The following LAMA3 variants were observed in gnomAD, a reference collection of about 807,000 sequenced individuals.
LAMA3 encodes the protein laminin subunit alpha 3.
In LAMA3, 281 loss-of-function variants were observed where a neutral mutation model predicts 402.0. The observed-to-expected ratio is 0.70, with a 90% confidence interval of 0.63 to 0.77. The LOEUF is 0.77. Among genes scored for constraint, LAMA3 ranks in the 30% least tolerant of loss-of-function variants. The pLI, the probability that LAMA3 is intolerant of heterozygous loss-of-function variation, is 0.00. For missense variants in LAMA3, 3,840 were observed against 4,215.5 expected (o/e 0.91, Z 2.47); for synonymous variants, 1,431 against 1,558.4 (o/e 0.92, Z 1.93).
rs1233146774 is a variant in LAMA3 at position 23,905,615 on chromosome 18, C to A, written c.6709C>A (p.Leu2237Ile). The change falls in exon 52 of 75, where the codon CTA becomes ATA. Residue 2237 changes from leucine (L) to isoleucine (I), a missense_variant. Leu to Ile is a conservative substitution (Grantham distance 5). This residue lies in a region of LAMA3 where 891 missense variants were observed against 857.5 expected (regional missense o/e 1.04). Transcript: ENST00000313654. Reference sequence around the variant, plus strand: ...TGAAGCCAAGATGACACAAAAGAAGCTAAAGCAAGGTATTAGGGGGAGTGG... The same window carrying A: ...TGAAGCCAAGATGACACAAAAGAAGATAAAGCAAGGTATTAGGGGGAGTGG... Reference protein sequence around the residue: ...LNEAKMTQKKLKQEVSPALNN... With the variant: ...LNEAKMTQKKIKQEVSPALNN... 1 of 1,599,438 alleles carries A rather than the reference C, an allele frequency of 6.3e-7. No homozygotes were observed. The highest frequency in any genetic ancestry group is 2.2e-5 in the East Asian group (1 of 44,738).
intron 42 of LAMA3, among the ~76,000 whole-genome samples, chr18:23,891,369 G>T (rs1423086201): frequency 6.6e-6 from 1 of 152,176 alleles, no homozygotes; most frequent in Admixed American, 6.5e-5. Flanking sequence ...AAAACTCATG[G>T]AGGAAACCAG....
At chr18:23,783,630 G>A (rs1472095508) in intron 11 of LAMA3, among the ~76,000 whole-genome samples, 2 of 152,186 alleles carry the variant, frequency 1.3e-5, no homozygotes, top group Non-Finnish European at 2.9e-5. Context: ...TAGTAGGGCT[G>A]AATTGATGTT....
chr18:23,752,047 G>A (rs1189258489), intron 5 of LAMA3, among the ~76,000 whole-genome samples: 7 of 152,184 alleles, frequency 4.6e-5, no homozygotes, highest in Admixed American at 3.9e-4. Context: ...TCAGAGAGCT[G>A]GGAAAGGAAG....
chr18:23,831,943 G>T (rs1212659435), intron 23 of LAMA3, among the ~76,000 whole-genome samples: 1 of 152,144 alleles, frequency 6.6e-6, no homozygotes, highest in Non-Finnish European at 1.5e-5. Flanking sequence ...CCTTTTTAAA[G>T]ATAAATAACA....
At chr18:23,911,129 A>AGATCCAGAGTAGT (rs2081411199) in intron 55 of LAMA3, among the ~76,000 whole-genome samples, 1 of 137,174 alleles carries the variant, frequency 7.3e-6, no homozygotes, top group African/African-American at 3.0e-5. Flanking sequence ...GGAATTTGCC[A>AGATCCAGAGTAGT]GGTGACAAAA....
chr18:23,829,789 A>C (rs866879751), intron 23 of LAMA3, among the ~76,000 whole-genome samples: 1 of 152,102 alleles, frequency 6.6e-6, no homozygotes, highest in Non-Finnish European at 1.5e-5. Flanking sequence ...TCCACTTTTC[A>C]TAGTCTCCAG....
In LAMA3 at chr18:23,914,479, C is replaced by T. The variant is rs774159047; in HGVS notation, c.7399C>T (p.Arg2467Cys). 9.3e-6 allele frequency: 15 copies of T among 1,613,992 alleles called. No individual in the cohort carries two copies. Among genetic ancestry groups the T allele is most frequent in the Non-Finnish European group, 1.3e-5 (15 of 1,179,964 alleles). ...QLTCVYNLGDREAELQVDQIL... is the reference protein window; with the variant it reads ...QLTCVYNLGDCEAELQVDQIL... ...CACCTGTGTCTACAACCTGGGGGAC[C>T]GTGAGGCTGAACTCCAAGTGGACCA... Residue 2467 changes from arginine (R) to cysteine (C), a missense_variant, in exon 57 of 75, where the codon CGT (arginine) becomes TGT (cysteine). By Grantham distance (180) the Arg-to-Cys change is radical. Around this residue, in one of 3 missense-constraint regions of LAMA3, gnomAD observed 891 missense variants for 857.5 expected, o/e 1.04. Transcript: ENST00000313654.
chr18:23,884,402 C>G (rs1035789522), intron 40 of LAMA3, among the ~76,000 whole-genome samples: 3 of 152,048 alleles, frequency 2.0e-5, no homozygotes, highest in African/African-American at 7.2e-5. Context: ...TTTAAAGAAT[C>G]AGAACTCTCT....
intron 67 of LAMA3, among the ~76,000 whole-genome samples, chr18:23,936,646 T>C (rs763586805): frequency 6.6e-6 from 1 of 152,176 alleles, no homozygotes; most frequent in Non-Finnish European, 1.5e-5. Flanking sequence ...AAGAATTCCA[T>C]GTTAGCACAA....
rs1289464769 is a variant in LAMA3 at position 23,928,707 on chromosome 18, C to T, written c.8378C>T (p.Ala2793Val). The T allele has an allele frequency of 3.1e-6, 5 of 1,613,820 alleles. No homozygotes were observed. Among genetic ancestry groups the T allele is most frequent in the Non-Finnish European group, 4.2e-6 (5 of 1,179,672 alleles). ...LGLPPTDHLQ[A>V]SFGFQTFQPS... ...TTACCACCTACTGACCACCTCCAGG[C>T]CTCATTTGGATTTCAGACCTTTCAA... The change falls in exon 64 of 75, where the codon GCC (alanine) becomes GTC (valine). Residue 2793 changes from alanine to valine, a missense_variant. Ala to Val is a moderately conservative substitution (Grantham distance 64). Transcript: ENST00000313654.
At chr18:23,899,239 T>G in intron 46 of LAMA3, 49 bp from the exon 47 acceptor site, 1 of 1,503,574 alleles carries the variant, frequency 6.7e-7, no homozygotes, top group Non-Finnish European at 9.2e-7. Context: ...TTAAGTAGCC[T>G]ACTGGAGCCC....
chr18:23,810,232 T>G, intron 12 of LAMA3, 134 bp from the exon 13 acceptor site: 1 of 1,028,548 alleles, frequency 9.7e-7, no homozygotes, highest in South Asian at 1.3e-5. Context: ...AGGTTCCCGA[T>G]CTCATAAGAA....
chr18:23,886,317 A>G (rs925978006), intron 41 of LAMA3, among the ~76,000 whole-genome samples: 1 of 152,236 alleles, frequency 6.6e-6, no homozygotes, highest in African/African-American at 2.4e-5. Context: ...CACAATGGAT[A>G]TTGGAAAGGA....
At chr18:23,805,339 C>T (rs921110022) in intron 12 of LAMA3, among the ~76,000 whole-genome samples, 3 of 152,178 alleles carry the variant, frequency 2.0e-5, no homozygotes, top group Admixed American at 2.0e-4. Flanking sequence ...TAGGAATCAC[C>T]ACCCCTGCAT....
intron 12 of LAMA3, among the ~76,000 whole-genome samples, chr18:23,796,842 T>C (rs1296810101): frequency 1.3e-5 from 2 of 152,098 alleles, no homozygotes; most frequent in Admixed American, 1.3e-4. Flanking sequence ...CCTGGCCTCA[T>C]TGATATTTTT....
At chr18:23,786,398 AG>A (rs1459276025) in intron 12 of LAMA3, among the ~76,000 whole-genome samples, 3 of 152,160 alleles carry the variant, frequency 2.0e-5, no homozygotes, top group African/African-American at 7.2e-5. Flanking sequence ...GGCTCAGCAA[AG>A]AGGACCAGCT....
chr18:23,953,963 T>C (rs919330630), intron 74 of LAMA3, among the ~76,000 whole-genome samples: 1 of 152,194 alleles, frequency 6.6e-6, no homozygotes, highest in African/African-American at 2.4e-5. Flanking sequence ...TTAGAGCTAT[T>C]GATTTGGGCA....
intron 34 of LAMA3, among the ~76,000 whole-genome samples, chr18:23,860,690 A>C (rs2064196366): frequency 7.5e-6 from 1 of 132,484 alleles, no homozygotes; most frequent in Non-Finnish European, 1.5e-5. Context: ...TACTCAAAAA[A>C]AGATTTTTTT....
intron 34 of LAMA3, among the ~76,000 whole-genome samples, chr18:23,861,095 T>C (rs552516034): frequency 1.1e-4 from 17 of 152,326 alleles, no homozygotes; most frequent in Non-Finnish European, 2.1e-4. Context: ...AAAAATACTT[T>C]GTAAATCTGC....
Sources: allele counts gnomAD v4.1 joint callset (sites outside exome capture counted in the v4.1 genomes callset), GRCh38; gene constraint gnomAD v4.1.1; regional missense constraint gnomAD v4.1.1; transcripts MANE v1.5; gene names NCBI Gene and HGNC (gene_info 2026-07-23, HGNC 2026-07-21).